The following CRAMP1 variants were observed in gnomAD, a reference collection of about 807,000 sequenced individuals.
CRAMP1 encodes cramped chromatin regulator 1, also known as protein cramped-like.
In CRAMP1, 50 loss-of-function variants were observed where a neutral mutation model predicts 115.4. The observed-to-expected ratio is 0.43, with a 90% CI of 0.35 to 0.55. The LOEUF (loss-of-function observed/expected upper bound fraction) is 0.55, where lower values mean the gene tolerates loss of function less well. CRAMP1 is among the 20% of genes least tolerant of loss of function. The probability of loss-of-function intolerance (pLI) is 0.01; values close to 1 mark genes in which losing one functional copy is unlikely to be tolerated. For synonymous variants in CRAMP1, 866 were observed against 745.4 expected (o/e 1.16, Z -2.64); for missense variants, 1,679 against 1,721.7 (o/e 0.98, Z 0.44).
rs904045714 is a variant in CRAMP1 at position 1,652,596 on chromosome 16, C to T, written c.913+15C>T. On this transcript the variant is annotated intron_variant, in intron 7 of 20. Coordinates refer to ENST00000397412, the MANE Select transcript of CRAMP1 (RefSeq NM_020825.4). Reference sequence around the variant, plus strand: ...CGATCCAGATGGTAAGTGAATGGGGCGCTCCCGGGACCAGAGGCGGTGCCC... The same window carrying T: ...CGATCCAGATGGTAAGTGAATGGGGTGCTCCCGGGACCAGAGGCGGTGCCC... 15 of 1,550,074 alleles carry T rather than the reference C, an allele frequency of 9.7e-6. No individual in the cohort carries two copies. Among genetic ancestry groups the T allele is most frequent in the African/African-American group, 2.7e-5 (2 of 73,010 alleles).
Position 1,674,381 on chromosome 16 carries a change from C to T in CRAMP1, c.*336C>T, listed in dbSNP as rs1262033944. 6.6e-6 allele frequency: 2 copies of T among 304,868 alleles called. No individual in the cohort carries two copies. The highest frequency in any genetic ancestry group is 1.5e-4 in the East Asian group (2 of 13,192). The allele number at this position is 304,868 out of a possible 1,614,324, so 18.9% of individuals were successfully genotyped here. ...TTGGACATTCCGGTGGCATTTCCTTCTGAGACAAGGGAGTATGTGTGCCTT... is the reference window on the plus strand; with the variant it reads ...TTGGACATTCCGGTGGCATTTCCTTTTGAGACAAGGGAGTATGTGTGCCTT... On this transcript the variant is annotated 3_prime_UTR_variant, in exon 21 of 21. Transcript: ENST00000397412.
At chr16:1,616,960 G>T (rs1035215332) in intron 2 of CRAMP1, among the ~76,000 whole-genome samples, 1 of 150,716 alleles carries the variant, frequency 6.6e-6, no homozygotes, top group Non-Finnish European at 1.5e-5. Context: ...GACTACAGGC[G>T]CCTGCCACCA....
At chr16:1,616,941 G>A (rs2036425399) in intron 2 of CRAMP1, among the ~76,000 whole-genome samples, 1 of 150,870 alleles carries the variant, frequency 6.6e-6, no homozygotes, top group Admixed American at 6.6e-5. Context: ...CAGCCTCCCA[G>A]GTGGCTGGGA....
At chr16:1,660,750 T>G (rs1435097039) in intron 11 of CRAMP1, among the ~76,000 whole-genome samples, 1 of 152,224 alleles carries the variant, frequency 6.6e-6, no homozygotes, top group Non-Finnish European at 1.5e-5. Flanking sequence ...CTGATGCCTG[T>G]AATCCCAGCA....
At position 1,614,821 on chromosome 16, in the gene CRAMP1, C is replaced by T; in HGVS notation, c.182C>T (p.Ala61Val). ...TPRAGADGPP[A>V]PPGAPQAPSP... ...CGGGCCGGCGCCGACGGCCCCCCCGCGCCCCCCGGCGCGCCGCAGGCGCCG... is the reference window on the plus strand; with the variant it reads ...CGGGCCGGCGCCGACGGCCCCCCCGTGCCCCCCGGCGCGCCGCAGGCGCCG... The change falls in exon 2 of 21, where the codon GCG (alanine) becomes GTG (valine). Residue 61 changes from alanine to valine, a missense_variant. This residue lies in a region of CRAMP1 where 264 missense variants were observed against 229.7 expected (regional missense o/e 1.15). Coordinates refer to ENST00000397412, the MANE Select transcript of CRAMP1 (RefSeq NM_020825.4). The surrounding 1 kb of genome is among the most constrained non-coding windows in gnomAD (Gnocchi z 4.4). 7.9e-7 allele frequency: 1 copy of T among 1,267,042 alleles called. No homozygotes were observed. The highest frequency in any genetic ancestry group is 9.9e-7 in the Non-Finnish European group (1 of 1,010,402). The allele number at this position is 1,267,042 out of a possible 1,614,324, so 78.5% of individuals were successfully genotyped here. A position where few individuals can be genotyped will look rare whatever the true frequency, so the allele number is the denominator to read the frequency against.
rs2036933971 is a variant in CRAMP1, at chr16:1,672,948, A to G, written c.3646-933A>G. 6.6e-6 allele frequency among the ~76,000 whole-genome samples: 1 copy of G among 152,242 alleles called. No homozygotes were observed. Among genetic ancestry groups the G allele is most frequent in the South Asian group, 2.1e-4 (1 of 4,834 alleles). On this transcript the variant is annotated intron_variant, in intron 20 of 20. Transcript: ENST00000397412. This position sits in a 1 kb window ranked among gnomAD's most constrained non-coding sequence, Gnocchi z 4.9. ...AGGGAACATGCCTGTTGCTTCTTTA[A>G]AAAGGAACGTACTCCCCATGTGTCC... is the stretch of plus-strand genomic sequence containing the variant.
rs2036863042 is a variant in CRAMP1, at chr16:1,665,089, G to A, written c.2703G>A (p.Gln901=). The A allele has an allele frequency of 1.2e-6, 2 of 1,613,282 alleles. No individual in the cohort carries two copies. Among genetic ancestry groups the A allele is most frequent in the Admixed American group, 3.3e-5 (2 of 59,982 alleles). ...RTLLPRPSEN[Q]SHNVCSFSIL... is the part of the protein sequence containing the mutation. ...TGCTCCCTAGACCATCGGAAAACCA[G>A]TCCCACAACGTTTGTTCCTTCTCCA... The change falls in exon 14 of 21, where the codon CAG becomes CAA. Residue 901 remains glutamine (Q), a synonymous_variant. Coordinates refer to ENST00000397412, the MANE Select transcript of CRAMP1 (RefSeq NM_020825.4).
chr16:1,638,026 A>G (rs1174226187), intron 5 of CRAMP1, 119 bp downstream of exon 5: 3 of 485,576 alleles, frequency 6.2e-6, no homozygotes, highest in Non-Finnish European at 1.1e-5. Flanking sequence ...AAATTTTACT[A>G]GAAGAGGTGA....
intron 6 of CRAMP1, 132 bp from the exon 7 acceptor site, chr16:1,652,364 C>A: frequency 1.5e-6 from 1 of 680,908 alleles, no homozygotes. Context: ...CTGTCCTACG[C>A]GGGCTCGAGA....
In CRAMP1 at chr16:1,629,249, C is replaced by T. The variant is rs555582184; in HGVS notation, c.541-2963C>T. On this transcript the variant is annotated intron_variant, in intron 3 of 20. Coordinates refer to ENST00000397412, the MANE Select transcript of CRAMP1 (RefSeq NM_020825.4). ...TGGCCTCTGTGCTTCGCAGTGTTCC[C>T]CTTCTCTGTCCCCACCTAGGCCCTC... 7.3e-5 allele frequency among the ~76,000 whole-genome samples: 11 copies of T among 150,974 alleles called. No individual in the cohort carries two copies. The East Asian group carries it at 2.0e-3, about 27-fold the overall frequency.
intron 9 of CRAMP1, 150 bp from the exon 10 acceptor site, chr16:1,655,727 G>A: frequency 1.3e-6 from 1 of 776,200 alleles, no homozygotes; most frequent in East Asian, 2.7e-5. Flanking sequence ...GCATTGTTGG[G>A]TAGTGGTGTG....
intron 4 of CRAMP1, among the ~76,000 whole-genome samples, chr16:1,637,371 C>T (rs1226566215): frequency 6.6e-6 from 1 of 151,964 alleles, no homozygotes; most frequent in African/African-American, 2.4e-5. Flanking sequence ...GAGCACCTGT[C>T]CTTGGCTCCT....
chr16:1,642,197 C>T (rs373510731), intron 6 of CRAMP1, among the ~76,000 whole-genome samples: 65 of 152,328 alleles, frequency 4.3e-4, no homozygotes, highest in African/African-American at 1.5e-3. Context: ...ATCTCTCTTC[C>T]GTCCATAGCA....
Position 1,673,950 on chromosome 16 carries a change from C to T in CRAMP1, c.3715C>T (p.Leu1239=), listed in dbSNP as rs2036944988. ...TGATTACATTTCTCGGTTCAATGAC[C>T]TGGCCCAAGAGCTGTCCATCGCTGA... The part of the protein sequence containing the change: ...SIDYISRFND[L]AQELSIAEPG... The change falls in exon 21 of 21, where the codon CTG becomes TTG. Residue 1239 remains leucine (L), a synonymous_variant. Transcript: ENST00000397412. 1.9e-6 allele frequency: 3 copies of T among 1,613,660 alleles called. No homozygotes were observed. The highest frequency in any genetic ancestry group is 2.5e-6 in the Non-Finnish European group (3 of 1,179,876).
rs2036844717 is a variant in CRAMP1, at chr16:1,662,816, G to A, written c.2651G>A (p.Arg884Gln). 2 of 1,613,590 alleles carry A rather than the reference G, an allele frequency of 1.2e-6. No individual in the cohort carries two copies. The highest frequency in any genetic ancestry group is 1.1e-5 in the South Asian group (1 of 91,086). ...KPRKLRNRHL[R>Q]KPLVVQRTLL... ...CGGAAGCTGCGGAACCGGCACCTGC[G>A]GAAGCCACTGGTGGTCCAGGTCAGG... The change falls in exon 13 of 21, where the codon CGG becomes CAG. Residue 884 changes from arginine to glutamine, a missense_variant. Physicochemically the swap from Arg to Gln is conservative, Grantham distance 43. This residue lies in a region of CRAMP1 where 709 missense variants were observed against 741.9 expected (regional missense o/e 0.96). Coordinates refer to ENST00000397412, the MANE Select transcript of CRAMP1 (RefSeq NM_020825.4).
Position 1,656,518 on chromosome 16 carries a change from G to A in CRAMP1, c.1761G>A (p.Glu587=), listed in dbSNP as rs1397221367. 1 of 1,563,516 alleles carries A rather than the reference G, an allele frequency of 6.4e-7. No homozygotes were observed. Among genetic ancestry groups the A allele is most frequent in the Non-Finnish European group, 8.7e-7 (1 of 1,154,764 alleles). Residue 587 remains glutamate, a synonymous_variant, in exon 10 of 21, where the codon GAG becomes GAA. Coordinates refer to ENST00000397412, the MANE Select transcript of CRAMP1 (RefSeq NM_020825.4). This position sits in a 1 kb window ranked among gnomAD's most constrained non-coding sequence, Gnocchi z 5.6. ...CRCADTRPGS[E]QPPLGGAASP... ...GTGCGGACACACGGCCTGGGAGCGA[G>A]CAGCCCCCTCTGGGCGGGGCGGCCT...
Position 1,668,067 on chromosome 16 carries a change from C to T in CRAMP1, c.3208C>T (p.Pro1070Ser). ...SESSSTRLSP[P>S]DVSALLDISL... The stretch of plus-strand genomic sequence containing the variant: ...GAGCTCCAGCACCCGGCTGTCTCCA[C>T]CAGACGTCTCTGCTCTGCTCGACAT... Residue 1070 changes from proline (P) to serine (S), a missense_variant, in exon 18 of 21, where the codon CCA (proline) becomes TCA (serine). Coordinates refer to ENST00000397412, the MANE Select transcript of CRAMP1 (RefSeq NM_020825.4). The T allele has an allele frequency of 6.2e-7, 1 of 1,613,920 alleles. No individual in the cohort carries two copies. The highest frequency in any genetic ancestry group is 8.5e-7 in the Non-Finnish European group (1 of 1,179,864).
At chr16:1,670,561 G>C in intron 19 of CRAMP1, 103 bp from the exon 20 acceptor site, 2 of 1,296,534 alleles carry the variant, frequency 1.5e-6, no homozygotes, top group Admixed American at 2.0e-5. Context: ...CCGGGGCCGG[G>C]GCTAGGGCTT....
chr16:1,631,059 A>G (rs1250135690), intron 3 of CRAMP1, among the ~76,000 whole-genome samples: 1 of 152,026 alleles, frequency 6.6e-6, no homozygotes, highest in Non-Finnish European at 1.5e-5. Flanking sequence ...GCTCCCACTG[A>G]TTTCAGCAGC....
Sources: gnomAD v4.1 joint callset for allele counts (sites outside exome capture counted in the v4.1 genomes callset) on GRCh38, gnomAD v4.1.1 for gene constraint, gnomAD v4.1.1 regional missense constraint, Gnocchi (gnomAD v3.1) non-coding constraint, MANE v1.5 for transcripts, NCBI Gene and HGNC (gene_info 2026-07-23, HGNC 2026-07-21) for gene names.